The following IGFL1 variants were observed in gnomAD, a reference collection of about 807,000 sequenced individuals.
The protein encoded by IGFL1 is insulin growth factor-like family member 1.
A neutral mutation model predicts 16.0 loss-of-function variants in IGFL1; 16 were observed. The observed-to-expected ratio is 1.00, with a 90% CI of 0.68 to 1.52. The LOEUF is 1.52. Ranked by LOEUF, IGFL1 falls within the 40% of genes most tolerant of loss-of-function variation. The pLI is 0.00. For synonymous variants in IGFL1, 59 were observed against 54.0 expected (o/e 1.09, Z -0.41); for missense variants, 149 against 141.7 (o/e 1.05, Z -0.26).
rs754869443 is a variant in IGFL1 at position 46,230,494 on chromosome 19, C to A, written c.300C>A (p.Thr100=). The stretch of plus-strand genomic sequence containing the variant: ...ACCAGAACTGCGACTCAGCCCGGAC[C>A]TCGGATGACAGGCTTTGTCGCAGGT... ...LINQNCDSAR[T]SDDRLCRSVS The change falls in exon 3 of 4, where the codon ACC becomes ACA. Residue 100 remains threonine, a synonymous_variant. Coordinates refer to ENST00000437936, the MANE Select transcript of IGFL1 (RefSeq NM_198541.2). The A allele has an allele frequency of 1.2e-6, 2 of 1,613,956 alleles. No individual in the cohort carries two copies. The highest frequency in any genetic ancestry group is 2.2e-5 in the South Asian group (2 of 91,080).
rs770842158 is a variant in IGFL1, at chr19:46,230,089, C to T, written c.26-19C>T. On this transcript the variant is annotated intron_variant, in intron 1 of 3. Transcript: ENST00000437936. The stretch of plus-strand genomic sequence containing the variant: ...TGTGGCTGTCCACTCACCCCATCTT[C>T]CCTTTCCCTTTCCCACAGCTGTCTT... 1.9e-6 allele frequency: 3 copies of T among 1,612,302 alleles called. No homozygotes were observed. The highest frequency in any genetic ancestry group is 2.5e-6 in the Non-Finnish European group (3 of 1,179,374).
chr19:46,230,000 C>A, intron 1 of IGFL1, 108 bp from the exon 2 acceptor site: 1 of 1,395,308 alleles, frequency 7.2e-7, no homozygotes, highest in Admixed American at 1.7e-5. Context: ...CCCTGAGCTG[C>A]TCAAAGCCAT....
chr19:46,230,460 A>G lies in IGFL1; in HGVS notation c.266A>G (p.Lys89Arg). 1 of 1,614,036 alleles carries G rather than the reference A, an allele frequency of 6.2e-7. No individual in the cohort carries two copies. Among genetic ancestry groups the G allele is most frequent in the African/African-American group, 1.3e-5 (1 of 75,056 alleles). Residue 89 changes from lysine to arginine, a missense_variant, in exon 3 of 4, where the codon AAG (lysine) becomes AGG (arginine). By Grantham distance (26) the Lys-to-Arg change is conservative. Transcript: ENST00000437936. ...TGCTGCCCCTGGACCTTCATGGTGA[A>G]GCTGATAAACCAGAACTGCGACTCA... is the stretch of plus-strand genomic sequence containing the variant. ...EQCCPWTFMV[K>R]LINQNCDSAR...
intron 3 of IGFL1, 68 bp downstream of exon 3, chr19:46,230,585 A>G: frequency 6.3e-7 from 1 of 1,589,186 alleles, no homozygotes; most frequent in South Asian, 1.1e-5. Context: ...CCCTGGGTGG[A>G]GCCCCCATTC....
chr19:46,230,195 G>A (rs774306496), intron 2 of IGFL1, 34 bp downstream of exon 2: 1 of 1,613,658 alleles, frequency 6.2e-7, no homozygotes, highest in African/African-American at 1.3e-5. Flanking sequence ...GCTGGAGGAG[G>A]GGTACACCTT....
intron 2 of IGFL1, 51 bp downstream of exon 2, chr19:46,230,212 G>A: frequency 1.2e-6 from 2 of 1,613,412 alleles, no homozygotes; most frequent in Admixed American, 1.7e-5. Flanking sequence ...CCTTCCAGGG[G>A]ACCCCAGGCT....
chr19:46,230,710 G>T (rs1260389682), intron 3 of IGFL1, 111 bp from the exon 4 acceptor site: 1 of 1,391,112 alleles, frequency 7.2e-7, no homozygotes, highest in African/African-American at 1.4e-5. Flanking sequence ...TCTCTACCCC[G>T]CTGTCCTCTC....
intron 3 of IGFL1, 64 bp downstream of exon 3, chr19:46,230,581 G>A: frequency 1.3e-6 from 2 of 1,592,814 alleles, no homozygotes; most frequent in Non-Finnish European, 8.6e-7. Flanking sequence ...TCTGCCCTGG[G>A]TGGAGCCCCC....
rs1601125168 is a variant in IGFL1 at position 46,229,744 on chromosome 19, C to A, written c.-31C>A. On this transcript the variant is annotated 5_prime_UTR_variant, in exon 1 of 4. Coordinates refer to ENST00000437936, the MANE Select transcript of IGFL1 (RefSeq NM_198541.2). ...AGGAGTGGCTGAGATCTGCTGATCC[C>A]CTCCTCACTCCACTGCAACCACCCA... 6.3e-7 allele frequency: 1 copy of A among 1,591,422 alleles called. No homozygotes were observed. The highest frequency in any genetic ancestry group is 8.6e-7 in the Non-Finnish European group (1 of 1,169,214).
intron 1 of IGFL1, 119 bp from the exon 2 acceptor site, chr19:46,229,989 T>C: frequency 7.6e-7 from 1 of 1,319,552 alleles, no homozygotes; most frequent in Non-Finnish European, 1.1e-6. Context: ...CCTGTTTCAG[T>C]CCCTGAGCTG....
At position 46,229,797 on chromosome 19, in the gene IGFL1, T is replaced by C. The variant is rs768744686; in HGVS notation, c.23T>C (p.Val8Ala). Reference protein sequence around the residue: MAPRGCIVAVFAIFCISR... With the variant: MAPRGCIAAVFAIFCISR... ...GCCATGGCTCCCCGAGGCTGCATCGTAGGTAAGGAGGACAGGACCCCATTC... is the reference window on the plus strand; with the variant it reads ...GCCATGGCTCCCCGAGGCTGCATCGCAGGTAAGGAGGACAGGACCCCATTC... Residue 8 changes from valine to alanine, a missense_variant and splice_region_variant, in exon 1 of 4, where the codon GTA (valine) becomes GCA (alanine). By Grantham distance (64) the Val-to-Ala change is moderately conservative (BLOSUM62 0). Coordinates refer to ENST00000437936, the MANE Select transcript of IGFL1 (RefSeq NM_198541.2). 2.2e-5 allele frequency: 36 copies of C among 1,607,306 alleles called. No homozygotes were observed. In the East Asian group the frequency reaches 7.8e-4, roughly 35 times the overall value.
intron 3 of IGFL1, 103 bp from the exon 4 acceptor site, chr19:46,230,718 C>T: frequency 7.0e-7 from 1 of 1,425,594 alleles, no homozygotes; most frequent in Non-Finnish European, 9.8e-7. Flanking sequence ...CCGCTGTCCT[C>T]TCCTCCTGGC....
chr19:46,230,902 C>T lies in IGFL1; in HGVS notation c.*72C>T. The T allele has an allele frequency of 1.4e-6, 2 of 1,464,078 alleles. No individual in the cohort carries two copies. Among genetic ancestry groups the T allele is most frequent in the South Asian group, 2.4e-5 (2 of 83,694 alleles). 90.7% of individuals were successfully genotyped at this position (1,464,078 alleles called of 1,614,324 possible). On this transcript the variant is annotated 3_prime_UTR_variant, in exon 4 of 4. Transcript: ENST00000437936. ...GGCCTGGAGAAAGAGGCTGGTGTTA[C>T]CTGAGATCTGGGATGCTGAGTGGCT...
Position 46,230,097 on chromosome 19 carries a change from C to T in IGFL1, c.26-11C>T. The T allele has an allele frequency of 1.2e-6, 2 of 1,613,080 alleles. No individual in the cohort carries two copies. The highest frequency in any genetic ancestry group is 4.5e-5 in the East Asian group (2 of 44,880). On this transcript the variant is annotated splice_polypyrimidine_tract_variant and intron_variant, in intron 1 of 3. Coordinates refer to ENST00000437936, the MANE Select transcript of IGFL1 (RefSeq NM_198541.2). ...TCCACTCACCCCATCTTCCCTTTCC[C>T]TTTCCCACAGCTGTCTTTGCCATTT...
At chr19:46,230,631 C>A (rs544905136) in intron 3 of IGFL1, 114 bp downstream of exon 3, 2 of 1,483,646 alleles carry the variant, frequency 1.3e-6, no homozygotes, top group Non-Finnish European at 1.9e-6. Flanking sequence ...TGCTTCTATT[C>A]AATCCACCTC....
chr19:46,229,975 C>A, intron 1 of IGFL1, 133 bp from the exon 2 acceptor site: 1 of 1,251,672 alleles, frequency 8.0e-7, no homozygotes, highest in Non-Finnish European at 1.2e-6. Flanking sequence ...GCCCCATCCA[C>A]AGCCCTGTTT....
intron 1 of IGFL1, 49 bp from the exon 2 acceptor site, chr19:46,230,059 A>C (rs772461138): frequency 1.6e-5 from 25 of 1,592,448 alleles, no homozygotes; most frequent in Non-Finnish European, 8.6e-7. Context: ...AGTGCCAGTC[A>C]TATCTGTGGC....
In IGFL1 at chr19:46,230,988, C is replaced by A; in HGVS notation, c.*158C>A. Reference sequence around the variant, plus strand: ...ACTTCATTCTGTGACCTGTCTGAGGCCCACCCTGCAGCTGCCCTGAGGAGG... The same window carrying A: ...ACTTCATTCTGTGACCTGTCTGAGGACCACCCTGCAGCTGCCCTGAGGAGG... On this transcript the variant is annotated 3_prime_UTR_variant, in exon 4 of 4. Transcript: ENST00000437936. 1 of 765,460 alleles carries A rather than the reference C, an allele frequency of 1.3e-6. No homozygotes were observed. Among genetic ancestry groups the A allele is most frequent in the Non-Finnish European group, 2.3e-6 (1 of 443,140 alleles). The allele number at this position is 765,460 out of a possible 1,614,324, so 47.4% of individuals were successfully genotyped here. A position where few individuals can be genotyped will look rare whatever the true frequency, so the allele number is the denominator to read the frequency against.
Position 46,230,721 on chromosome 19 carries a change from C to T in IGFL1, c.324-100C>T, listed in dbSNP as rs1200022174. 1.1e-5 allele frequency: 16 copies of T among 1,435,688 alleles called. No homozygotes were observed. In the African/African-American group the frequency reaches 2.0e-4, roughly 18 times the overall value. 88.9% of individuals were successfully genotyped at this position (1,435,688 alleles called of 1,614,324 possible). On this transcript the variant is annotated intron_variant, in intron 3 of 3. Coordinates refer to ENST00000437936, the MANE Select transcript of IGFL1 (RefSeq NM_198541.2). The stretch of plus-strand genomic sequence containing the variant: ...ACTCTCTCTACCCCGCTGTCCTCTC[C>T]TCCTGGCTCTCCTGTCCTCATTTCT...
Sources: gnomAD v4.1 joint callset for allele counts on GRCh38, gnomAD v4.1.1 for gene constraint, MANE v1.5 for transcripts, NCBI Gene and HGNC (gene_info 2026-07-23, HGNC 2026-07-21) for gene names.